PPM1B: variants seen among roughly 807,000 people sequenced by gnomAD.
PPM1B encodes the protein protein phosphatase 1B.
PPM1B carries 22 observed loss-of-function variants against 43.0 expected under a neutral mutation model. That is an observed-to-expected ratio of 0.51 (90% CI 0.37 to 0.73). PPM1B has a LOEUF of 0.73. Ranked by LOEUF, PPM1B falls within the 30% of genes least tolerant of loss-of-function variation. The pLI, the probability that PPM1B is intolerant of heterozygous loss-of-function variation, is 0.00. For synonymous variants in PPM1B, 217 were observed against 197.9 expected (o/e 1.10, Z -0.81); for missense variants, 632 against 584.2 (o/e 1.08, Z -0.84).
exon 6 of PPM1B, chr2:44,244,333 A>T (rs778710413): frequency 7.3e-7 from 1 of 1,361,510 alleles, no homozygotes; most frequent in South Asian, 1.1e-5. Flanking sequence ...GCGGACAAAA[A>T]GGTTTTTTTG....
chr2:44,239,317 T>C (rs1471434175), downstream of PPM1B, among the ~76,000 whole-genome samples: 2 of 152,132 alleles, frequency 1.3e-5, no homozygotes, highest in East Asian at 1.9e-4. Flanking sequence ...AATTGAATGC[T>C]CACACCACTT....
chr2:44,211,717 C>G (rs1446631816), intron 3 of PPM1B, among the ~76,000 whole-genome samples: 1 of 148,512 alleles, frequency 6.7e-6, no homozygotes, highest in Non-Finnish European at 1.5e-5. Context: ...AGAATGATAG[C>G]CAACTGGTGA....
intron 1 of PPM1B, among the ~76,000 whole-genome samples, chr2:44,188,393 C>CTTT (rs67959948): frequency 7.2e-4 from 66 of 92,048 alleles, no homozygotes; most frequent in Non-Finnish European, 9.7e-4. Context: ...TTCTTTCTTT[C>CTTT]TTTTTTTTTT....
At chr2:44,196,682 A>G (rs781037277) in intron 1 of PPM1B, among the ~76,000 whole-genome samples, 21 of 152,158 alleles carry the variant, frequency 1.4e-4, no homozygotes, top group Admixed American at 2.6e-4. Flanking sequence ...TTACGTATTC[A>G]GTCCTTTATT....
chr2:44,231,853 T>C (rs891256864), downstream of PPM1B, among the ~76,000 whole-genome samples: 1 of 152,200 alleles, frequency 6.6e-6, no homozygotes, highest in Non-Finnish European at 1.5e-5. Context: ...ATGAGAGTTT[T>C]TGTTTAAAGG....
At chr2:44,194,281 G>A (rs1307960767) in intron 1 of PPM1B, among the ~76,000 whole-genome samples, 1 of 152,192 alleles carries the variant, frequency 6.6e-6, no homozygotes, top group Non-Finnish European at 1.5e-5. Flanking sequence ...AGGCCTCGCT[G>A]TGGGATGATT....
At chr2:44,219,273 ATAAAT>A (rs1281578736) in intron 5 of PPM1B, 1 of 151,824 alleles carries the variant, frequency 6.6e-6, no homozygotes. Flanking sequence ...ATGTCTAAAA[ATAAAT>A]TATTTAATTT....
downstream of PPM1B, chr2:44,232,582 A>G: frequency 7.4e-7 from 1 of 1,353,886 alleles, no homozygotes; most frequent in East Asian, 3.0e-5. Flanking sequence ...TACTCGTTAC[A>G]TCTGTATTGA....
chr2:44,232,247 T>C, downstream of PPM1B: 2 of 1,564,984 alleles, frequency 1.3e-6, no homozygotes, highest in South Asian at 1.2e-5. Context: ...TTTGTTTTCT[T>C]TTGAAATTCA....
At chr2:44,229,993 C>A in intron 5 of PPM1B, 1 of 1,582,502 alleles carries the variant, frequency 6.3e-7, no homozygotes, top group African/African-American at 1.3e-5. Flanking sequence ...ACTTATTTAG[C>A]AGAAATGATG....
intron 5 of PPM1B, chr2:44,219,145 C>T (rs1297789179): frequency 6.3e-6 from 1 of 159,290 alleles, no homozygotes; most frequent in East Asian, 1.9e-4. Flanking sequence ...GCCAGCTGCC[C>T]CTCTATATTG....
rs1418548192 is a variant in PPM1B at position 44,192,185 on chromosome 2, GTTATGGTATT to G, written c.-14-9000_-14-8991del. 4.1e-4 allele frequency among the ~76,000 whole-genome samples: 40 copies of G among 98,696 alleles called. 1 individual carries two copies. The highest frequency in any genetic ancestry group is 2.9e-3 in the South Asian group (9 of 3,156). The allele number at this position is 98,696 out of a possible 152,430, so 64.7% of individuals were successfully genotyped here. A position where few individuals can be genotyped will look rare whatever the true frequency, so the allele number is the denominator to read the frequency against. ...TTTATTTTATGTTATGTTATGTTATGTTATGGTATTGTATTGTATTGTATTGTATTGTATT... is the reference window on the plus strand; with the variant it reads ...TTTATTTTATGTTATGTTATGTTATGGTATTGTATTGTATTGTATTGTATT... On this transcript the variant is annotated intron_variant, in intron 1 of 5. Transcript: ENST00000282412.
intron 5 of PPM1B, among the ~76,000 whole-genome samples, chr2:44,226,866 A>G (rs1284313118): frequency 1.3e-5 from 2 of 149,172 alleles, no homozygotes; most frequent in Non-Finnish European, 3.0e-5. Flanking sequence ...AAGGTTTATC[A>G]TTAGAGTATA....
intron 1 of PPM1B, among the ~76,000 whole-genome samples, chr2:44,175,009 C>T (rs961065441): frequency 2.6e-5 from 4 of 152,210 alleles, no homozygotes; most frequent in Non-Finnish European, 5.9e-5. Flanking sequence ...AATCCTAGCA[C>T]TTTGGGAGGC....
At chr2:44,209,472 T>C (rs1391367338) in intron 3 of PPM1B, 145 bp downstream of exon 3, 1 of 923,458 alleles carries the variant, frequency 1.1e-6, no homozygotes, top group Non-Finnish European at 1.6e-6. Flanking sequence ...TTCTTTTTGT[T>C]TATCAAATGA....
intron 1 of PPM1B, among the ~76,000 whole-genome samples, chr2:44,191,268 C>T (rs1668390748): frequency 6.6e-6 from 1 of 152,070 alleles, no homozygotes; most frequent in African/African-American, 2.4e-5. Context: ...GGCTGGAGTG[C>T]AGTGGAGTGA....
At chr2:44,243,423 G>C (rs17497762) in intron 5 of PPM1B, among the ~76,000 whole-genome samples, 21,715 of 152,074 alleles carry the variant, frequency 0.14, 1,818 homozygotes, top group South Asian at 0.24. Context: ...TTCTTTAACA[G>C]TTTCATCAAC....
At chr2:44,229,386 C>G (rs950929117) in intron 5 of PPM1B, among the ~76,000 whole-genome samples, 1 of 151,986 alleles carries the variant, frequency 6.6e-6, no homozygotes, top group Non-Finnish European at 1.5e-5. Context: ...TATTTTGAAT[C>G]CCAGTCTAAT....
At chr2:44,207,663 C>T (rs974108287) in intron 2 of PPM1B, among the ~76,000 whole-genome samples, 3 of 151,654 alleles carry the variant, frequency 2.0e-5, no homozygotes, top group Admixed American at 6.6e-5. Flanking sequence ...GCAATCTCCA[C>T]TTCCCAGGCT....
Sources: allele counts gnomAD v4.1 joint callset (sites outside exome capture counted in the v4.1 genomes callset), GRCh38; gene constraint gnomAD v4.1.1; transcripts MANE v1.5; gene names NCBI Gene and HGNC (gene_info 2026-07-23, HGNC 2026-07-21).